The following DENND1A variants were observed in gnomAD, a reference collection of about 807,000 sequenced individuals.
The protein encoded by DENND1A is DENN domain-containing protein 1A.
In DENND1A, 51 loss-of-function variants were observed where a neutral mutation model predicts 113.7. The observed-to-expected ratio is 0.45, with a 90% CI of 0.36 to 0.57. DENND1A has a LOEUF of 0.57. DENND1A is among the 20% of genes least tolerant of loss of function. The probability of loss-of-function intolerance (pLI) is 0.00; values close to 1 mark genes in which losing one functional copy is unlikely to be tolerated. For missense variants in DENND1A, 1,258 were observed against 1,395.9 expected (o/e 0.90, Z 1.57); for synonymous variants, 565 against 570.8 (o/e 0.99, Z 0.14).
At chr9:123,691,642 T>C (rs1386238087) in intron 5 of DENND1A, among the ~76,000 whole-genome samples, 9 of 151,566 alleles carry the variant, frequency 5.9e-5, no homozygotes, top group Middle Eastern at 3.2e-3. Flanking sequence ...TGTAAGAAAT[T>C]TACATGCTGG....
chr9:123,396,971 G>A (rs1255116324), intron 21 of DENND1A, among the ~76,000 whole-genome samples: 1 of 152,200 alleles, frequency 6.6e-6, no homozygotes, highest in Non-Finnish European at 1.5e-5. Flanking sequence ...AGGCATGTTT[G>A]AGGCTCAGGT....
At chr9:123,656,361 T>C (rs560746149) in intron 8 of DENND1A, among the ~76,000 whole-genome samples, 110 of 152,114 alleles carry the variant, frequency 7.2e-4, no homozygotes, top group Non-Finnish European at 1.2e-3. Flanking sequence ...GGAGGACAGA[T>C]AAGAGGGCAA....
chr9:123,635,354 G>A (rs2061652822), intron 9 of DENND1A, among the ~76,000 whole-genome samples: 2 of 152,234 alleles, frequency 1.3e-5, no homozygotes, highest in Admixed American at 1.3e-4. Flanking sequence ...AACAGTTTCA[G>A]AGGTGAAATA....
intron 12 of DENND1A, among the ~76,000 whole-genome samples, chr9:123,566,571 T>C (rs528315161): frequency 6.6e-6 from 1 of 152,334 alleles, no homozygotes; most frequent in South Asian, 2.1e-4. Flanking sequence ...CGTTATGTGC[T>C]ATAGTGGCTC....
chr9:123,497,813 CAAAAAAAAAAA>C (rs755257150), intron 13 of DENND1A, among the ~76,000 whole-genome samples: 1 of 101,766 alleles, frequency 9.8e-6, no homozygotes, highest in Non-Finnish European at 2.0e-5. Context: ...CTCTTCCATC[CAAAAAAAAAAA>C]AAAAAAAGAA....
At chr9:123,830,586 C>T (rs956638076) in intron 2 of DENND1A, among the ~76,000 whole-genome samples, 4 of 151,744 alleles carry the variant, frequency 2.6e-5, no homozygotes, top group Non-Finnish European at 4.4e-5. Flanking sequence ...AAAAGAGGGC[C>T]GGGCACAGTG....
intron 5 of DENND1A, among the ~76,000 whole-genome samples, chr9:123,700,925 G>A (rs2065848246): frequency 6.6e-6 from 1 of 152,082 alleles, no homozygotes; most frequent in Admixed American, 6.6e-5. Flanking sequence ...CAAATATTTT[G>A]TTCAATGTAT....
intron 5 of DENND1A, among the ~76,000 whole-genome samples, chr9:123,689,693 G>A (rs2065040744): frequency 6.6e-6 from 1 of 152,142 alleles, no homozygotes; most frequent in Admixed American, 6.5e-5. Flanking sequence ...AGAATGGCCA[G>A]GTGTGGTGGC....
intron 9 of DENND1A, among the ~76,000 whole-genome samples, chr9:123,632,082 A>G (rs1334857262): frequency 6.6e-6 from 1 of 152,208 alleles, no homozygotes; most frequent in Non-Finnish European, 1.5e-5. Flanking sequence ...GCCAAGGCCC[A>G]GTTAAAAGAA....
At chr9:123,871,974 T>G (rs977363592) in intron 2 of DENND1A, among the ~76,000 whole-genome samples, 1 of 152,146 alleles carries the variant, frequency 6.6e-6, no homozygotes, top group African/African-American at 2.4e-5. Context: ...GTGTGGCCAG[T>G]GTCATCTGAT....
chr9:123,534,013 A>G (rs1368146180), intron 13 of DENND1A, among the ~76,000 whole-genome samples: 1 of 152,232 alleles, frequency 6.6e-6, no homozygotes, highest in African/African-American at 2.4e-5. Flanking sequence ...AGATTTGGAA[A>G]TTATTAATAC....
At chr9:123,601,512 C>A (rs16926684) in intron 11 of DENND1A, among the ~76,000 whole-genome samples, 7,477 of 152,214 alleles carry the variant, frequency 0.049, 240 homozygotes, top group African/African-American at 0.075. Flanking sequence ...CTGGATGGTA[C>A]GAGACTCATA....
intron 1 of DENND1A, among the ~76,000 whole-genome samples, chr9:123,888,955 A>AGTGTGT (rs1849498778): frequency 1.0e-5 from 1 of 95,656 alleles, no homozygotes; most frequent in African/African-American, 5.5e-5. Flanking sequence ...CGTGCTTTAA[A>AGTGTGT]CTGTGTGTGT....
At chr9:123,684,915 T>TA (rs2064713665) in intron 5 of DENND1A, among the ~76,000 whole-genome samples, 3 of 152,142 alleles carry the variant, frequency 2.0e-5, no homozygotes, top group Admixed American at 2.0e-4. Context: ...GGGTCAGTGC[T>TA]TTGATAGAGG....
At chr9:123,603,551 C>A (rs2060022374) in intron 11 of DENND1A, among the ~76,000 whole-genome samples, 1 of 152,146 alleles carries the variant, frequency 6.6e-6, no homozygotes, top group South Asian at 2.1e-4. Context: ...GTGAAAGCAG[C>A]AGAATGCCAG....
At chr9:123,437,488 G>C (rs966792902) in intron 19 of DENND1A, among the ~76,000 whole-genome samples, 1 of 152,204 alleles carries the variant, frequency 6.6e-6, no homozygotes, top group African/African-American at 2.4e-5. Context: ...CATCCCCACT[G>C]GCAAGCTAAA....
chr9:123,607,881 G>C (rs1221887358), intron 11 of DENND1A, among the ~76,000 whole-genome samples: 2 of 152,026 alleles, frequency 1.3e-5, no homozygotes, highest in Non-Finnish European at 2.9e-5. Context: ...GGCAGGAGGA[G>C]AGGCAAGCGG....
intron 12 of DENND1A, among the ~76,000 whole-genome samples, chr9:123,563,736 C>T (rs994408587): frequency 6.6e-6 from 1 of 152,120 alleles, no homozygotes; most frequent in African/African-American, 2.4e-5. Context: ...TAGTGGCTCC[C>T]TACTGTGAAT....
chr9:123,693,273 A>G (rs1195715708), intron 5 of DENND1A, among the ~76,000 whole-genome samples: 1 of 152,190 alleles, frequency 6.6e-6, no homozygotes, highest in East Asian at 1.9e-4. Context: ...CAGCACTGAG[A>G]TCATCTGTTT....
Sources: allele counts gnomAD v4.1 joint callset (sites outside exome capture counted in the v4.1 genomes callset), GRCh38; gene constraint gnomAD v4.1.1; transcripts MANE v1.5; gene names NCBI Gene and HGNC (gene_info 2026-07-23, HGNC 2026-07-21).